The following SLC6A17 variants were observed in gnomAD, a reference collection of about 807,000 sequenced individuals.
SLC6A17 encodes sodium-dependent neutral amino acid transporter SLC6A17.
In SLC6A17, 21 loss-of-function variants were observed where a neutral mutation model predicts 64.5. The ratio of observed to expected loss-of-function variants is 0.33; its 90% confidence interval spans 0.23 to 0.47. SLC6A17 has a LOEUF of 0.47. SLC6A17 is among the 20% of genes least tolerant of loss of function. The pLI, the probability that SLC6A17 is intolerant of heterozygous loss-of-function variation, is 1.00. For synonymous variants in SLC6A17, 372 were observed against 399.5 expected (o/e 0.93, Z 0.82); for missense variants, 682 against 963.2 (o/e 0.71, Z 3.86).
At chr1:110,159,479 C>G (rs1488956249) in intron 1 of SLC6A17, among the ~76,000 whole-genome samples, 2 of 152,152 alleles carry the variant, frequency 1.3e-5, no homozygotes, top group African/African-American at 4.8e-5. Context: ...CTCAAGAGAA[C>G]AGACTCAGCA....
intron 6 of SLC6A17, among the ~76,000 whole-genome samples, chr1:110,184,050 C>T (rs1474609876): frequency 6.6e-6 from 1 of 152,166 alleles, no homozygotes; most frequent in East Asian, 1.9e-4. Flanking sequence ...CACATTTGAA[C>T]ATCTCTGAAA....
chr1:110,195,829 C>A, intron 10 of SLC6A17, 84 bp downstream of exon 10: 1 of 1,563,628 alleles, frequency 6.4e-7, no homozygotes. Context: ...CATAGAGTCA[C>A]AATGGCAGAG....
intron 3 of SLC6A17, among the ~76,000 whole-genome samples, chr1:110,172,804 G>T (rs1220473698): frequency 1.3e-5 from 2 of 152,198 alleles, no homozygotes; most frequent in Non-Finnish European, 2.9e-5. Flanking sequence ...ACTTTGTGAG[G>T]TCTCCAGGCT....
At chr1:110,179,128 G>A (rs185270355) in intron 6 of SLC6A17, among the ~76,000 whole-genome samples, 16 of 152,244 alleles carry the variant, frequency 1.1e-4, no homozygotes, top group African/African-American at 3.9e-4. Flanking sequence ...AGTTTTCATG[G>A]ATGCATAGTA....
At chr1:110,187,540 C>G (rs655296) in intron 6 of SLC6A17, among the ~76,000 whole-genome samples, 95,258 of 152,176 alleles carry the variant, frequency 0.63, 31,202 homozygotes, top group African/African-American at 0.84. Flanking sequence ...CTTAAAATAT[C>G]TAAGGAGGCA....
intron 6 of SLC6A17, among the ~76,000 whole-genome samples, chr1:110,181,782 G>A (rs564832056): frequency 2.5e-3 from 143 of 57,860 alleles, no homozygotes; most frequent in African/African-American, 9.1e-3. Context: ...CCTGAACAGA[G>A]GGAACAATGA....
In SLC6A17 at chr1:110,195,534, C is replaced by A. The variant is rs555134011; in HGVS notation, c.1493-52C>A. 1.2e-4 allele frequency: 191 copies of A among 1,603,740 alleles called. 2 individuals carry two copies. In the East Asian group the frequency reaches 4.1e-3, roughly 34 times the overall value. On this transcript the variant is annotated intron_variant, in intron 9 of 11. Coordinates refer to ENST00000331565, the MANE Select transcript of SLC6A17 (RefSeq NM_001010898.4). ...CTGGGTGCCCCCGAGACCCCCAGGG[C>A]CCTGCCCACCCTGCACCTTTGCCCC...
intron 1 of SLC6A17, among the ~76,000 whole-genome samples, chr1:110,152,828 A>T (rs1655644627): frequency 6.6e-6 from 1 of 152,168 alleles, no homozygotes; most frequent in African/African-American, 2.4e-5. Flanking sequence ...TGCTCATTAG[A>T]TGTTAGTTCC....
At chr1:110,163,873 A>C (rs1026663273) in intron 1 of SLC6A17, among the ~76,000 whole-genome samples, 3 of 151,972 alleles carry the variant, frequency 2.0e-5, no homozygotes, top group African/African-American at 7.3e-5. Flanking sequence ...CCTCTGCTCA[A>C]ATGTCACTTC....
In SLC6A17 at chr1:110,200,062, C is replaced by T; in HGVS notation, c.*1618C>T. On this transcript the variant is annotated 3_prime_UTR_variant, in exon 12 of 12. Coordinates refer to ENST00000331565, the MANE Select transcript of SLC6A17 (RefSeq NM_001010898.4). ...TCTGGTGGGCAGGGCAGAAACAGGC[C>T]ACAGTGCTCAACCCGGACACCCTCA... The T allele has an allele frequency of 5.0e-6, 2 of 398,434 alleles. No homozygotes were observed. The highest frequency in any genetic ancestry group is 4.4e-5 in the Admixed American group (1 of 22,732). 24.7% of individuals were successfully genotyped at this position (398,434 alleles called of 1,614,324 possible). A position where few individuals can be genotyped will look rare whatever the true frequency, so the allele number is the denominator to read the frequency against.
rs71306131 is a variant in SLC6A17 at position 110,186,460 on chromosome 1, AG to A, written c.865-5510del. ...AAATAATTACCAAAAAAAAAAAAAA[AG>A]GAAAGAGAAGAGGAAAGGATAATAA... On this transcript the variant is annotated intron_variant, in intron 6 of 11. Coordinates refer to ENST00000331565, the MANE Select transcript of SLC6A17 (RefSeq NM_001010898.4). Among the ~76,000 whole-genome samples, 100 of 145,888 alleles carry A rather than the reference AG, an allele frequency of 6.9e-4. 1 individual carries two copies. Among genetic ancestry groups the A allele is most frequent in the African/African-American group, 2.3e-3 (91 of 40,256 alleles).
At chr1:110,164,530 G>GCCCAT (rs1655995337) in intron 1 of SLC6A17, among the ~76,000 whole-genome samples, 1 of 152,246 alleles carries the variant, frequency 6.6e-6, no homozygotes, top group African/African-American at 2.4e-5. Context: ...CTGCAGCCCA[G>GCCCAT]CCCAGTGCCT....
At chr1:110,195,008 T>G (rs1656923539) in intron 9 of SLC6A17, 1 of 572,370 alleles carries the variant, frequency 1.7e-6, no homozygotes, top group Non-Finnish European at 3.1e-6. Context: ...CTAGGCCCCT[T>G]TGTTAGTTCA....
chr1:110,182,430 A>G (rs532803135), intron 6 of SLC6A17, among the ~76,000 whole-genome samples: 40 of 152,196 alleles, frequency 2.6e-4, no homozygotes, highest in Admixed American at 1.6e-3. Context: ...ATGGATCTAG[A>G]GGTCAGGTGT....
intron 1 of SLC6A17, among the ~76,000 whole-genome samples, chr1:110,165,789 C>A (rs1012077285): frequency 1.3e-5 from 2 of 152,218 alleles, no homozygotes; most frequent in Non-Finnish European, 2.9e-5. Flanking sequence ...ACAGCTCTTT[C>A]CCTTAATAAA....
rs887479390 is a variant in SLC6A17 at position 110,201,468 on chromosome 1, C to G, written c.*3024C>G. 3 of 152,276 alleles carry G rather than the reference C, an allele frequency of 2.0e-5. No individual in the cohort carries two copies. The highest frequency in any genetic ancestry group is 7.2e-5 in the African/African-American group (3 of 41,428). The allele number at this position is 152,276 out of a possible 1,614,324, so 9.4% of individuals were successfully genotyped here. A position where few individuals can be genotyped will look rare whatever the true frequency, so the allele number is the denominator to read the frequency against. On this transcript the variant is annotated 3_prime_UTR_variant, in exon 12 of 12. Transcript: ENST00000331565. ...TGTGCCTGAAAGAGTCAACAGTCCCCTGATCCCCTACCTCTGCCTGCCCTC... is the reference window on the plus strand; with the variant it reads ...TGTGCCTGAAAGAGTCAACAGTCCCGTGATCCCCTACCTCTGCCTGCCCTC...
chr1:110,197,494 C>T lies in SLC6A17; in HGVS notation c.1710C>T (p.Tyr570=). 3.1e-6 allele frequency: 5 copies of T among 1,613,820 alleles called. No homozygotes were observed. Among genetic ancestry groups the T allele is most frequent in the Non-Finnish European group, 4.2e-6 (5 of 1,179,984 alleles). ...LGFRPYRFYF[Y]MWKFVSPLCM... is the part of the protein sequence containing the mutation. ...TCCGCCCCTACCGCTTCTATTTCTACATGTGGAAGTTCGTGTCTCCACTAT... is the reference window on the plus strand; with the variant it reads ...TCCGCCCCTACCGCTTCTATTTCTATATGTGGAAGTTCGTGTCTCCACTAT... The change falls in exon 11 of 12, where the codon TAC becomes TAT. Residue 570 remains tyrosine, a synonymous_variant. Transcript: ENST00000331565.
At chr1:110,191,718 A>G (rs972933889) in intron 6 of SLC6A17, among the ~76,000 whole-genome samples, 1 of 152,176 alleles carries the variant, frequency 6.6e-6, no homozygotes, top group Non-Finnish European at 1.5e-5. Flanking sequence ...TTAAATTACT[A>G]TGTAAGCACT....
intron 5 of SLC6A17, among the ~76,000 whole-genome samples, 154 bp downstream of exon 5, chr1:110,175,114 T>G (rs889800477): frequency 6.6e-6 from 1 of 152,122 alleles, no homozygotes; most frequent in Non-Finnish European, 1.5e-5. Context: ...ATTCCTATAG[T>G]GTTGCTCACC....
Sources: allele counts gnomAD v4.1 joint callset (sites outside exome capture counted in the v4.1 genomes callset), GRCh38; gene constraint gnomAD v4.1.1; transcripts MANE v1.5; gene names NCBI Gene and HGNC (gene_info 2026-07-23, HGNC 2026-07-21).